DDX50: variants seen among roughly 807,000 people sequenced by gnomAD.
The protein encoded by DDX50 is ATP-dependent RNA helicase DDX50.
In DDX50, 56 loss-of-function variants were observed where a neutral mutation model predicts 94.8. The ratio of observed to expected loss-of-function variants is 0.59; its 90% confidence interval spans 0.48 to 0.74. DDX50 has a LOEUF of 0.74. DDX50 is among the 30% of genes least tolerant of loss of function. The pLI, the probability that DDX50 is intolerant of heterozygous loss-of-function variation, is 0.00. For missense variants in DDX50, 713 were observed against 881.2 expected (o/e 0.81, Z 2.42); for synonymous variants, 264 against 295.4 (o/e 0.89, Z 1.09).
At chr10:68,908,331 A>G (rs1395777262) in intron 2 of DDX50, among the ~76,000 whole-genome samples, 2 of 151,716 alleles carry the variant, frequency 1.3e-5, no homozygotes, top group African/African-American at 4.8e-5. Context: ...CATGCCTGTA[A>G]TCCCAGCTAC....
chr10:68,927,537 C>T (rs779282755), intron 8 of DDX50, among the ~76,000 whole-genome samples: 1 of 152,180 alleles, frequency 6.6e-6, no homozygotes. Flanking sequence ...AGTTATGCTA[C>T]TTACTAGCAT....
At chr10:68,902,102 TTAAAC>T (rs757603250) in intron 1 of DDX50, among the ~76,000 whole-genome samples, 1 of 146,596 alleles carries the variant, frequency 6.8e-6, no homozygotes, top group Non-Finnish European at 1.5e-5. Flanking sequence ...ACCAAGGAGG[TTAAAC>T]TAAATAAGTA....
intron 8 of DDX50, among the ~76,000 whole-genome samples, chr10:68,928,408 C>T (rs1842146836): frequency 6.6e-6 from 1 of 151,946 alleles, no homozygotes; most frequent in African/African-American, 2.4e-5. Context: ...CGATGGCTTA[C>T]ATCTGTAATC....
At chr10:68,936,502 AAAAAAAAAAAAAAATATATATATAT>A (rs1438973534) in intron 11 of DDX50, among the ~76,000 whole-genome samples, 1 of 46,566 alleles carries the variant, frequency 2.1e-5, no homozygotes, top group Non-Finnish European at 3.9e-5. Flanking sequence ...AAAAAAAAAA[AAAAAAAAAAAAAAATATATATATAT>A]ATATATATAT....
At chr10:68,902,889 T>C (rs1489547972) in intron 1 of DDX50, among the ~76,000 whole-genome samples, 1 of 152,244 alleles carries the variant, frequency 6.6e-6, no homozygotes, top group African/African-American at 2.4e-5. Flanking sequence ...TATATAAAAT[T>C]AGTTCATTTT....
At chr10:68,945,600 C>T (rs574572900) in intron 14 of DDX50, among the ~76,000 whole-genome samples, 1 of 152,306 alleles carries the variant, frequency 6.6e-6, no homozygotes, top group East Asian at 1.9e-4. Context: ...AGCTACTGTG[C>T]CCGGCCAATA....
At chr10:68,906,629 G>T (rs1841450849) in intron 1 of DDX50, 82 bp from the exon 2 acceptor site, 2 of 1,457,306 alleles carry the variant, frequency 1.4e-6, no homozygotes, top group South Asian at 1.2e-5. Context: ...CTGAACTGGT[G>T]GGGGAGTCAT....
chr10:68,914,334 C>A, intron 7 of DDX50, 130 bp downstream of exon 7: 1 of 992,982 alleles, frequency 1.0e-6, no homozygotes, highest in South Asian at 1.6e-5. Context: ...TAGTAAGACA[C>A]CTATATATTT....
intron 2 of DDX50, among the ~76,000 whole-genome samples, chr10:68,907,896 T>A (rs534317780): frequency 6.6e-6 from 1 of 152,302 alleles, no homozygotes; most frequent in East Asian, 1.9e-4. Context: ...TTTAACAGTT[T>A]ATTATTTTGT....
intron 12 of DDX50, 41 bp from the exon 13 acceptor site, chr10:68,941,019 C>T (rs757974783): frequency 6.3e-6 from 10 of 1,584,406 alleles, no homozygotes; most frequent in Non-Finnish European, 8.6e-6. Flanking sequence ...TGTACTGCTG[C>T]TGATTTATTT....
intron 12 of DDX50, 141 bp from the exon 13 acceptor site, chr10:68,940,919 T>C: frequency 1.9e-6 from 2 of 1,046,708 alleles, no homozygotes; most frequent in Non-Finnish European, 2.7e-6. Context: ...TAATGTAGTT[T>C]CAAAAAAATT....
intron 11 of DDX50, among the ~76,000 whole-genome samples, chr10:68,936,659 C>T (rs1842428326): frequency 6.7e-6 from 1 of 149,430 alleles, no homozygotes; most frequent in Non-Finnish European, 1.5e-5. Context: ...GCCAACATGG[C>T]GAAACCTTGT....
At chr10:68,910,187 A>C (rs920990762) in intron 2 of DDX50, 120 bp from the exon 3 acceptor site, 144 of 174,100 alleles carry the variant, frequency 8.3e-4, no homozygotes, top group Non-Finnish European at 1.1e-3. Flanking sequence ...ACCCTGTTTC[A>C]AAAAAAAAAA....
At chr10:68,920,064 A>G (rs1841900972) in intron 8 of DDX50, 83 bp downstream of exon 8, 1 of 1,529,746 alleles carries the variant, frequency 6.5e-7, no homozygotes, top group East Asian at 2.3e-5. Context: ...TTTGTGGACC[A>G]GATTTGATAG....
chr10:68,912,857 C>G (rs950994507), intron 4 of DDX50, among the ~76,000 whole-genome samples: 3 of 151,976 alleles, frequency 2.0e-5, no homozygotes, highest in African/African-American at 7.3e-5. Flanking sequence ...GTGAGATAGA[C>G]AATCAGCAAA....
chr10:68,909,155 A>G (rs1341022421), intron 2 of DDX50, among the ~76,000 whole-genome samples: 1 of 152,060 alleles, frequency 6.6e-6, no homozygotes, highest in Admixed American at 6.5e-5. Context: ...AATTTTTTTT[A>G]TCATAAAAAG....
chr10:68,909,866 T>C (rs1841574245), intron 2 of DDX50, among the ~76,000 whole-genome samples: 2 of 152,142 alleles, frequency 1.3e-5, no homozygotes, highest in African/African-American at 4.8e-5. Flanking sequence ...TTCTCCATGT[T>C]GGTCAGGCTG....
chr10:68,930,526 T>C (rs1842235717), intron 8 of DDX50, among the ~76,000 whole-genome samples: 2 of 150,682 alleles, frequency 1.3e-5, no homozygotes, highest in Admixed American at 1.3e-4. Context: ...GTCCTTCCAA[T>C]TTCATCAACT....
intron 8 of DDX50, among the ~76,000 whole-genome samples, chr10:68,923,937 CTTTTTTTTTTTT>C (rs56820953): frequency 4.7e-5 from 2 of 42,410 alleles, no homozygotes; most frequent in Non-Finnish European, 7.9e-5. Context: ...AGATAGTCTG[CTTTTTTTTTTTT>C]TTTTTTTTTT....
Sources: gnomAD v4.1 joint callset for allele counts (sites outside exome capture counted in the v4.1 genomes callset) on GRCh38, gnomAD v4.1.1 for gene constraint, MANE v1.5 for transcripts, NCBI Gene and HGNC (gene_info 2026-07-23, HGNC 2026-07-21) for gene names.